RNF217: variants seen among roughly 807,000 people sequenced by gnomAD.
RNF217 encodes the protein E3 ubiquitin-protein ligase RNF217.
In RNF217, 31 loss-of-function variants were observed where a neutral mutation model predicts 57.8. The ratio of observed to expected loss-of-function variants is 0.54; its 90% CI spans 0.40 to 0.72. RNF217 has a LOEUF of 0.72. Ranked by LOEUF, RNF217 falls within the 30% of genes least tolerant of loss-of-function variation. The probability of loss-of-function intolerance (pLI) is 0.00; values close to 1 mark genes in which losing one functional copy is unlikely to be tolerated. For synonymous variants in RNF217, 313 were observed against 294.0 expected, an observed-to-expected ratio of 1.06 and a Z score of -0.66; for missense variants, 696 against 708.3, an observed-to-expected ratio of 0.98 and a Z score of 0.20.
At chr6:125,054,172 G>A (rs1413256508) in intron 2 of RNF217, among the ~76,000 whole-genome samples, 1 of 152,104 alleles carries the variant, frequency 6.6e-6, no homozygotes, top group African/African-American at 2.4e-5. Flanking sequence ...CCATAAGAAA[G>A]GTACTGAATC....
At chr6:125,036,905 T>G (rs979566766) in intron 1 of RNF217, among the ~76,000 whole-genome samples, 7 of 148,248 alleles carry the variant, frequency 4.7e-5, no homozygotes, top group Non-Finnish European at 1.0e-4. Context: ...TTATATATTA[T>G]TTATTATTTA....
intron 1 of RNF217, among the ~76,000 whole-genome samples, chr6:124,984,734 G>A (rs942811127): frequency 1.3e-5 from 2 of 151,964 alleles, no homozygotes; most frequent in Non-Finnish European, 2.9e-5. Flanking sequence ...TAGTAGAACT[G>A]ATTTTCTGAT....
chr6:125,054,711 C>G (rs1787459614), intron 2 of RNF217, among the ~76,000 whole-genome samples: 1 of 152,188 alleles, frequency 6.6e-6, no homozygotes, highest in Non-Finnish European at 1.5e-5. Flanking sequence ...CTGGGCGATG[C>G]AGTCACATGG....
chr6:125,053,267 G>A (rs896294050), intron 2 of RNF217, among the ~76,000 whole-genome samples: 6 of 152,142 alleles, frequency 3.9e-5, no homozygotes, highest in South Asian at 2.1e-4. Flanking sequence ...TCAGACCCCA[G>A]TAAGTTCCTT....
intron 5 of RNF217, chr6:125,082,319 C>T (rs879382697): frequency 5.6e-5 from 50 of 890,150 alleles, no homozygotes; most frequent in Admixed American, 2.9e-4. Context: ...AAATGATTTT[C>T]GTATGTCAAC....
At chr6:125,033,325 C>T (rs543536795) in intron 1 of RNF217, among the ~76,000 whole-genome samples, 184 of 138,786 alleles carry the variant, frequency 1.3e-3, no homozygotes, top group African/African-American at 4.7e-3. Flanking sequence ...GGTATATCTC[C>T]TAATGCTATC....
chr6:124,966,101 A>G (rs1219542724), intron 1 of RNF217, among the ~76,000 whole-genome samples: 1 of 152,248 alleles, frequency 6.6e-6, no homozygotes. Flanking sequence ...TAAAGCGGAC[A>G]AAAGTAACAG....
At chr6:125,053,794 C>T (rs1386376146) in intron 2 of RNF217, among the ~76,000 whole-genome samples, 3 of 152,006 alleles carry the variant, frequency 2.0e-5, no homozygotes, top group Non-Finnish European at 4.4e-5. Context: ...TTTGTGAGTT[C>T]TGGAGAAAGC....
intron 1 of RNF217, among the ~76,000 whole-genome samples, chr6:124,970,698 G>A (rs1240475200): frequency 3.3e-5 from 5 of 152,334 alleles, no homozygotes; most frequent in Admixed American, 6.5e-5. Flanking sequence ...GGGAGTGTCA[G>A]TAGCTAGAGA....
chr6:125,023,090 A>G (rs568253987), intron 1 of RNF217, among the ~76,000 whole-genome samples: 1 of 152,316 alleles, frequency 6.6e-6, no homozygotes, highest in East Asian at 1.9e-4. Flanking sequence ...AATGACAGGA[A>G]TAAGCACAGG....
chr6:125,083,615 G>A lies in RNF217; in HGVS notation c.*678G>A, dbSNP rs1788681665. On this transcript the variant is annotated 3_prime_UTR_variant, in exon 6 of 6. Transcript: ENST00000521654. ...TAACCTTGTACTTACCCAGTTCCAT[G>A]CCGCTACACTATTTTTCCACATTTT... The A allele has an allele frequency of 1.3e-5, 2 of 152,008 alleles. No homozygotes were observed. The highest frequency in any genetic ancestry group is 1.3e-4 in the Admixed American group (2 of 15,226). The allele number at this position is 152,008 out of a possible 1,614,324, so 9.4% of individuals were successfully genotyped here. A position where few individuals can be genotyped will look rare whatever the true frequency, so the allele number is the denominator to read the frequency against.
intron 1 of RNF217, among the ~76,000 whole-genome samples, chr6:124,985,596 T>C (rs1300782727): frequency 6.6e-6 from 1 of 152,052 alleles, no homozygotes; most frequent in Non-Finnish European, 1.5e-5. Context: ...GTATTGAAAA[T>C]ACAATATTAA....
At chr6:124,995,631 A>C (rs1249878366) in intron 1 of RNF217, among the ~76,000 whole-genome samples, 1 of 152,058 alleles carries the variant, frequency 6.6e-6, no homozygotes, top group Non-Finnish European at 1.5e-5. Context: ...CTATTGAAAA[A>C]CATTTGGAGG....
At chr6:125,048,161 G>T in intron 2 of RNF217, 1 of 1,325,946 alleles carries the variant, frequency 7.5e-7, no homozygotes, top group South Asian at 1.2e-5. Flanking sequence ...GGTAAGGAGA[G>T]CACTGACATG....
chr6:124,981,397 G>T (rs922179391), intron 1 of RNF217, among the ~76,000 whole-genome samples: 1 of 152,138 alleles, frequency 6.6e-6, no homozygotes, highest in African/African-American at 2.4e-5. Flanking sequence ...TCGGGGTACA[G>T]CTTGCTTTTA....
rs1788844888 is a variant in RNF217 at position 125,088,633 on chromosome 6, G to A, written c.*5696G>A. ...TATATATCTTTTTGGCTAGAGAAGT[G>A]ACTATTTTAGAATAACAGTATGAAT... On this transcript the variant is annotated 3_prime_UTR_variant, in exon 6 of 6. Coordinates refer to ENST00000521654, the MANE Select transcript of RNF217 (RefSeq NM_001286398.3). 1 of 152,068 alleles carries A rather than the reference G, an allele frequency of 6.6e-6. No individual in the cohort carries two copies. The highest frequency in any genetic ancestry group is 1.5e-5 in the Non-Finnish European group (1 of 68,010). 9.4% of individuals were successfully genotyped at this position (152,068 alleles called of 1,614,324 possible).
chr6:125,017,158 TTA>T (rs1785644859), intron 1 of RNF217, among the ~76,000 whole-genome samples: 1 of 152,214 alleles, frequency 6.6e-6, no homozygotes, highest in Admixed American at 6.5e-5. Flanking sequence ...TGAAAACTTT[TTA>T]TGACACTGCC....
At chr6:125,024,600 C>A (rs1317070728) in intron 1 of RNF217, among the ~76,000 whole-genome samples, 2 of 151,908 alleles carry the variant, frequency 1.3e-5, no homozygotes, top group African/African-American at 4.8e-5. Flanking sequence ...TGCCTGTAAT[C>A]CCAGCTACTC....
At chr6:125,067,679 T>G (rs1787984858) in intron 3 of RNF217, among the ~76,000 whole-genome samples, 1 of 152,316 alleles carries the variant, frequency 6.6e-6, no homozygotes, top group East Asian at 1.9e-4. Context: ...TTTTGTTCAC[T>G]TGACTTTGAA....
Sources: gnomAD v4.1 joint callset for allele counts (sites outside exome capture counted in the v4.1 genomes callset) on GRCh38, gnomAD v4.1.1 for gene constraint, MANE v1.5 for transcripts, NCBI Gene and HGNC (gene_info 2026-07-23, HGNC 2026-07-21) for gene names.